The following NKAIN2 variants were observed in gnomAD, a reference collection of about 807,000 sequenced individuals.
NKAIN2 encodes sodium/potassium transporting ATPase interacting 2, also known as sodium/potassium-transporting ATPase subunit beta-1-interacting protein 2.
Under a neutral mutation model 32.6 loss-of-function variants are expected in NKAIN2, and 14 were observed. The ratio of observed to expected loss-of-function variants is 0.43; its 90% CI spans 0.28 to 0.67. The LOEUF is 0.67. Ranked by LOEUF, NKAIN2 falls within the 30% of genes least tolerant of loss-of-function variation. NKAIN2 has a pLI of 0.17. For synonymous variants in NKAIN2, 80 were observed against 87.2 expected (o/e 0.92, Z 0.46); for missense variants, 198 against 258.3 (o/e 0.77, Z 1.60).
intron 3 of NKAIN2, among the ~76,000 whole-genome samples, chr6:124,610,371 T>A (rs1782647254): frequency 6.6e-6 from 1 of 152,234 alleles, no homozygotes; most frequent in African/African-American, 2.4e-5. Context: ...TGGGAGTTTA[T>A]CCTAGTACTA....
At chr6:124,005,958 A>G (rs968092524) in intron 1 of NKAIN2, among the ~76,000 whole-genome samples, 8 of 152,188 alleles carry the variant, frequency 5.3e-5, no homozygotes, top group Non-Finnish European at 1.0e-4. Context: ...TTCCTGTGAC[A>G]GACTTCTAAC....
chr6:124,261,866 CAAAAA>C (rs1233407177), intron 1 of NKAIN2, among the ~76,000 whole-genome samples: 1 of 124,510 alleles, frequency 8.0e-6, no homozygotes. Flanking sequence ...CCATCTCACA[CAAAAA>C]AAAAAAAAAA....
intron 2 of NKAIN2, among the ~76,000 whole-genome samples, chr6:124,325,406 G>A (rs72965803): frequency 0.033 from 4,949 of 152,028 alleles, 83 homozygotes; most frequent in Non-Finnish European, 0.039. Flanking sequence ...TTACCCAAGA[G>A]ATGTTGAAAA....
chr6:124,359,846 G>C (rs1029834945), intron 3 of NKAIN2, among the ~76,000 whole-genome samples: 1 of 152,134 alleles, frequency 6.6e-6, no homozygotes, highest in African/African-American at 2.4e-5. Flanking sequence ...TCCCTGTCTT[G>C]TGCCAGTTTT....
chr6:124,287,857 A>C (rs890256866), intron 2 of NKAIN2, among the ~76,000 whole-genome samples: 23 of 152,146 alleles, frequency 1.5e-4, no homozygotes, highest in African/African-American at 5.1e-4. Context: ...AATCTGAGGA[A>C]TATGTAGGTT....
chr6:124,822,913 C>T (rs1781450508), intron 6 of NKAIN2, among the ~76,000 whole-genome samples: 1 of 151,814 alleles, frequency 6.6e-6, no homozygotes, highest in African/African-American at 2.4e-5. Context: ...ATAAGAATAT[C>T]CTATAATATA....
intron 1 of NKAIN2, among the ~76,000 whole-genome samples, chr6:124,139,012 A>G (rs2114316865): frequency 6.6e-6 from 1 of 150,958 alleles, no homozygotes; most frequent in Non-Finnish European, 1.5e-5. Context: ...AATCTCAGAA[A>G]TCACCACTAA....
intron 3 of NKAIN2, among the ~76,000 whole-genome samples, chr6:124,592,900 T>A (rs1781961932): frequency 6.6e-6 from 1 of 152,170 alleles, no homozygotes; most frequent in African/African-American, 2.4e-5. Context: ...TGCTTTGAAC[T>A]TCACGCTAGC....
chr6:123,996,644 C>A (rs1779631465), intron 1 of NKAIN2, among the ~76,000 whole-genome samples: 1 of 151,928 alleles, frequency 6.6e-6, no homozygotes, highest in Non-Finnish European at 1.5e-5. Context: ...AATGCCTTTG[C>A]CTTATTTATA....
chr6:124,476,936 T>G (rs1181473974), intron 3 of NKAIN2, among the ~76,000 whole-genome samples: 3 of 152,204 alleles, frequency 2.0e-5, no homozygotes, highest in African/African-American at 4.8e-5. Flanking sequence ...ATTCATGTAC[T>G]TAACCATTAT....
intron 3 of NKAIN2, among the ~76,000 whole-genome samples, chr6:124,418,505 T>C (rs1774598148): frequency 6.8e-6 from 1 of 147,794 alleles, no homozygotes; most frequent in South Asian, 2.1e-4. Context: ...ATATATATAG[T>C]TTATATATGA....
chr6:124,629,933 T>C (rs1487812960), intron 3 of NKAIN2, among the ~76,000 whole-genome samples: 1 of 152,052 alleles, frequency 6.6e-6, no homozygotes, highest in Non-Finnish European at 1.5e-5. Flanking sequence ...TATGCTGGTG[T>C]GCACTTGGCC....
At chr6:123,880,287 A>G (rs1311658052) in intron 1 of NKAIN2, among the ~76,000 whole-genome samples, 3 of 152,188 alleles carry the variant, frequency 2.0e-5, no homozygotes, top group Admixed American at 6.5e-5. Flanking sequence ...AGAACTGGAA[A>G]TATGTCAAGG....
In NKAIN2 at chr6:124,566,553, A is replaced by G. The variant is rs181387818; in HGVS notation, c.274-91633A>G. Among the ~76,000 whole-genome samples the G allele has an allele frequency of 5.9e-5, 9 of 152,256 alleles. No individual in the cohort carries two copies. The South Asian group carries it at 1.7e-3, about 28-fold the overall frequency. On this transcript the variant is annotated intron_variant, in intron 3 of 6. Coordinates refer to ENST00000368417, the MANE Select transcript of NKAIN2 (RefSeq NM_001040214.3). ...ACTGTTTCCTCAGCTACATTAATAC[A>G]ATTAATTAGCTTACACCACTGTTTA...
intron 2 of NKAIN2, among the ~76,000 whole-genome samples, chr6:124,325,388 C>G (rs1797369467): frequency 6.6e-6 from 1 of 151,986 alleles, no homozygotes; most frequent in South Asian, 2.1e-4. Flanking sequence ...AATACCACTT[C>G]TAGGTATTTA....
intron 5 of NKAIN2, among the ~76,000 whole-genome samples, chr6:124,810,880 T>G (rs531160240): frequency 2.7e-5 from 4 of 147,512 alleles, no homozygotes; most frequent in Non-Finnish European, 4.5e-5. Context: ...CAGGCTAAAG[T>G]ACGTCTTCCT....
At chr6:124,734,066 C>CACACACACACAT (rs1165226880) in intron 4 of NKAIN2, among the ~76,000 whole-genome samples, 2 of 62,878 alleles carry the variant, frequency 3.2e-5, no homozygotes, top group Non-Finnish European at 6.7e-5. Context: ...GAAATGCACA[C>CACACACACACAT]ACACACACAC....
At chr6:124,030,608 A>G (rs1007794783) in intron 1 of NKAIN2, among the ~76,000 whole-genome samples, 3 of 152,206 alleles carry the variant, frequency 2.0e-5, no homozygotes, top group African/African-American at 7.2e-5. Flanking sequence ...AAATGTGCTT[A>G]CTTAGACTCT....
At chr6:124,746,113 C>T (rs1400109105) in intron 4 of NKAIN2, among the ~76,000 whole-genome samples, 1 of 151,774 alleles carries the variant, frequency 6.6e-6, no homozygotes, top group African/African-American at 2.4e-5. Flanking sequence ...GATGTGGCAC[C>T]CCTGCTTTTG....
Sources: allele counts gnomAD v4.1 joint callset (sites outside exome capture counted in the v4.1 genomes callset), GRCh38; gene constraint gnomAD v4.1.1; transcripts MANE v1.5; gene names NCBI Gene and HGNC (gene_info 2026-07-23, HGNC 2026-07-21).